HPSE2: variants seen among roughly 807,000 people sequenced by gnomAD.
HPSE2 encodes inactive heparanase-2.
HPSE2 carries 38 observed loss-of-function variants against 60.5 expected under a neutral mutation model. The ratio of observed to expected loss-of-function variants is 0.63; its 90% CI spans 0.48 to 0.82. HPSE2 has a LOEUF of 0.82. HPSE2 is among the 40% of genes least tolerant of loss of function. The pLI, the probability that HPSE2 is intolerant of heterozygous loss-of-function variation, is 0.00. For synonymous variants in HPSE2, 295 were observed against 293.2 expected (o/e 1.01, Z -0.06); for missense variants, 713 against 740.4 (o/e 0.96, Z 0.43).
chr10:98,999,935 T>C (rs943008356), intron 3 of HPSE2, among the ~76,000 whole-genome samples: 2 of 152,172 alleles, frequency 1.3e-5, no homozygotes, highest in Admixed American at 1.3e-4. Flanking sequence ...GAATTTGCAG[T>C]ATGATAGATG....
At chr10:98,842,989 A>G (rs1163927387) in intron 3 of HPSE2, among the ~76,000 whole-genome samples, 1 of 152,078 alleles carries the variant, frequency 6.6e-6, no homozygotes, top group Admixed American at 6.6e-5. Flanking sequence ...AGTAGTATAC[A>G]TTTATGTTTC....
At chr10:98,632,214 A>G (rs1013285607) in intron 7 of HPSE2, among the ~76,000 whole-genome samples, 2 of 152,186 alleles carry the variant, frequency 1.3e-5, no homozygotes, top group African/African-American at 4.8e-5. Flanking sequence ...GATTAATAAT[A>G]TATATTGCAC....
At chr10:98,836,536 T>A (rs2134673560) in intron 3 of HPSE2, among the ~76,000 whole-genome samples, 1 of 152,194 alleles carries the variant, frequency 6.6e-6, no homozygotes, top group African/African-American at 2.4e-5. Context: ...ATAAAAAAAA[T>A]TGTTACAAGG....
Position 98,971,438 on chromosome 10 carries a change from A to T in HPSE2, c.610+172800T>A, listed in dbSNP as rs530612611. Among the ~76,000 whole-genome samples the T allele has an allele frequency of 8.5e-4, 130 of 152,286 alleles. 1 individual carries two copies. Among genetic ancestry groups the T allele is most frequent in the African/African-American group, 3.0e-3 (123 of 41,580 alleles). ...TTCTCTTTGTACCCATAACACATTC[A>T]TATCCCCATTCATAAGCCAGACAAC... On this transcript the variant is annotated intron_variant, in intron 3 of 11. Transcript: ENST00000370552.
intron 3 of HPSE2, among the ~76,000 whole-genome samples, chr10:99,005,962 C>CG (rs1171370502): frequency 1.3e-5 from 2 of 151,898 alleles, no homozygotes; most frequent in African/African-American, 4.8e-5. Flanking sequence ...CCTGGTTCCA[C>CG]GGGGTTAAGC....
At chr10:99,005,718 G>T (rs182096457) in intron 3 of HPSE2, among the ~76,000 whole-genome samples, 1 of 152,150 alleles carries the variant, frequency 6.6e-6, no homozygotes, top group East Asian at 1.9e-4. Flanking sequence ...ATATCTCCTT[G>T]GTTTGTCATG....
At chr10:99,132,142 A>AAGG (rs1845412383) in intron 3 of HPSE2, among the ~76,000 whole-genome samples, 1 of 31,964 alleles carries the variant, frequency 3.1e-5, no homozygotes, top group African/African-American at 5.3e-5. Context: ...GGAAAGAAAG[A>AAGG]AAGGAAGAAA....
chr10:98,555,341 G>A (rs1281265730), intron 9 of HPSE2, among the ~76,000 whole-genome samples: 1 of 152,160 alleles, frequency 6.6e-6, no homozygotes. Flanking sequence ...GGTGCTGTTT[G>A]CACATTCTGC....
At chr10:98,803,581 C>G (rs1261397328) in intron 3 of HPSE2, among the ~76,000 whole-genome samples, 1 of 152,060 alleles carries the variant, frequency 6.6e-6, no homozygotes, top group African/African-American at 2.4e-5. Context: ...AATAGGGAAA[C>G]CTTTCCCCAT....
the HPSE2 span, among the ~76,000 whole-genome samples, chr10:99,254,060 T>C: frequency 6.6e-6 from 1 of 152,236 alleles, no homozygotes; most frequent in Non-Finnish European, 1.5e-5. Flanking sequence ...ATCTCGTTAC[T>C]GGGTATACAT....
At chr10:98,688,412 A>T (rs757924465) in intron 6 of HPSE2, among the ~76,000 whole-genome samples, 1 of 148,590 alleles carries the variant, frequency 6.7e-6, no homozygotes. Context: ...TTGAGATCCA[A>T]GTTTCCTTCT....
Position 98,489,871 on chromosome 10 carries a change from C to T in HPSE2, c.1466+180G>A, listed in dbSNP as rs539580851. Among the ~76,000 whole-genome samples the T allele has an allele frequency of 5.3e-5, 8 of 152,320 alleles. No homozygotes were observed. In the South Asian group the frequency reaches 1.7e-3, roughly 32 times the overall value. ...TCTAAGTATGAGAAGGGAGCGTTTA[C>T]TTGGAGTAAAAGCTATTTACCAGAA... is the stretch of plus-strand genomic sequence containing the variant. On this transcript the variant is annotated intron_variant, in intron 10 of 11. Coordinates refer to ENST00000370552, the MANE Select transcript of HPSE2 (RefSeq NM_021828.5).
chr10:98,841,074 A>G (rs1180743498), intron 3 of HPSE2, among the ~76,000 whole-genome samples: 2 of 152,194 alleles, frequency 1.3e-5, no homozygotes, highest in African/African-American at 4.8e-5. Flanking sequence ...CCTGGCCAAC[A>G]TGGAGAAACC....
At chr10:98,806,025 C>T (rs139322105) in intron 3 of HPSE2, among the ~76,000 whole-genome samples, 3 of 152,152 alleles carry the variant, frequency 2.0e-5, no homozygotes, top group African/African-American at 7.2e-5. Context: ...TTTAAATAGT[C>T]GACTGAATCA....
chr10:98,839,666 G>A lies in HPSE2; in HGVS notation c.611-95610C>T, dbSNP rs1004505546. On this transcript the variant is annotated intron_variant, in intron 3 of 11. Transcript: ENST00000370552. ...GCTAGGTGTTCAAATGATTATAAAG[G>A]AATGTGGGAAGATGTTTTTTCCCTA... Among the ~76,000 whole-genome samples the A allele has an allele frequency of 3.3e-5, 5 of 152,204 alleles. 1 individual carries two copies. Among genetic ancestry groups the A allele is most frequent in the Admixed American group, 3.3e-4 (5 of 15,272 alleles).
At position 98,929,320 on chromosome 10, in the gene HPSE2, G is replaced by A. The variant is rs1412569299; in HGVS notation, c.611-185264C>T. On this transcript the variant is annotated intron_variant, in intron 3 of 11. Coordinates refer to ENST00000370552, the MANE Select transcript of HPSE2 (RefSeq NM_021828.5). ...CTGTTTATAACCTATAGCCAAGCAAGGCTTTCCTTGACCAGGGTTGTGGTA... is the reference window on the plus strand; with the variant it reads ...CTGTTTATAACCTATAGCCAAGCAAAGCTTTCCTTGACCAGGGTTGTGGTA... Among the ~76,000 whole-genome samples the A allele has an allele frequency of 4.2e-5, 6 of 143,748 alleles. 1 individual carries two copies. The highest frequency in any genetic ancestry group is 7.4e-5 in the Non-Finnish European group (5 of 67,138). 94.3% of individuals were successfully genotyped at this position (143,748 alleles called of 152,430 possible).
chr10:99,160,989 G>A (rs958469104), intron 2 of HPSE2, among the ~76,000 whole-genome samples: 1 of 151,814 alleles, frequency 6.6e-6, no homozygotes, highest in Admixed American at 6.6e-5. Flanking sequence ...GCCAGGGTGG[G>A]AAGATGGCTT....
intron 2 of HPSE2, among the ~76,000 whole-genome samples, chr10:99,214,576 A>G (rs1849055847): frequency 6.7e-6 from 1 of 149,204 alleles, no homozygotes; most frequent in Non-Finnish European, 1.5e-5. Flanking sequence ...TAACTTAAAG[A>G]AGACAGTCAC....
intron 3 of HPSE2, among the ~76,000 whole-genome samples, chr10:98,976,735 C>CAA (rs1956094441): frequency 8.3e-6 from 1 of 120,204 alleles, no homozygotes; most frequent in African/African-American, 4.0e-5. Flanking sequence ...CCGTGGTAAG[C>CAA]GAAAAAAAAA....
Sources: gnomAD v4.1 joint callset for allele counts (sites outside exome capture counted in the v4.1 genomes callset) on GRCh38, gnomAD v4.1.1 for gene constraint, MANE v1.5 for transcripts, NCBI Gene and HGNC (gene_info 2026-07-23, HGNC 2026-07-21) for gene names.